SH3PXD2B: variants seen among roughly 807,000 people sequenced by gnomAD.
SH3PXD2B encodes SH3 and PX domains 2B.
A neutral mutation model predicts 73.1 loss-of-function variants in SH3PXD2B; 37 were observed. The ratio of observed to expected loss-of-function variants is 0.51; its 90% CI spans 0.39 to 0.67. The LOEUF (loss-of-function observed/expected upper bound fraction) is 0.67. Among genes scored for constraint, SH3PXD2B ranks in the 30% least tolerant of loss-of-function variants. SH3PXD2B has a pLI of 0.00. For missense variants in SH3PXD2B, 1,053 were observed against 1,197.8 expected, an observed-to-expected ratio of 0.88 and a Z score of 1.78; for synonymous variants, 457 against 480.5, an observed-to-expected ratio of 0.95 and a Z score of 0.64.
rs1561902702 is a variant in SH3PXD2B, at chr5:172,358,845, C to T, written c.595G>A (p.Gly199Ser). ...TCGAGGCACGTTGCAGGGACCCAGC[C>T]TTGCTCCTCGGCAGTGCTGACGAAC... ...WWFVSTAEEQ[G>S]WVPATCLEGQ... Residue 199 changes from glycine (G) to serine (S), a missense_variant, in exon 8 of 13, where the codon GGC (glycine) becomes AGC (serine). Gly to Ser is a moderately conservative substitution (Grantham distance 56). Coordinates refer to ENST00000311601, the MANE Select transcript of SH3PXD2B (RefSeq NM_001017995.3). 1 of 1,614,106 alleles carries T rather than the reference C, an allele frequency of 6.2e-7. No individual in the cohort carries two copies. Among genetic ancestry groups the T allele is most frequent in the Non-Finnish European group, 8.5e-7 (1 of 1,179,998 alleles).
downstream of SH3PXD2B, among the ~76,000 whole-genome samples, chr5:172,332,202 C>G (rs1310198933): frequency 2.6e-5 from 4 of 151,608 alleles, no homozygotes; most frequent in African/African-American, 4.8e-5. Flanking sequence ...TTTGCAAGAA[C>G]TTGGGTGAAC....
At chr5:172,381,734 CG>C (rs1757951743) in intron 5 of SH3PXD2B, among the ~76,000 whole-genome samples, 1 of 152,044 alleles carries the variant, frequency 6.6e-6, no homozygotes, top group Non-Finnish European at 1.5e-5. Flanking sequence ...GATGAATCTA[CG>C]GCTCAGCCCC....
intron 1 of SH3PXD2B, among the ~76,000 whole-genome samples, chr5:172,439,258 AAAAAACAAAAAC>A: frequency 1.2e-5 from 1 of 85,656 alleles, no homozygotes; most frequent in Non-Finnish European, 2.6e-5. Flanking sequence ...AAAGAAAAAA[AAAAAACAAAAAC>A]AAAAACAAAA....
chr5:172,339,367 G>T lies in SH3PXD2B; in HGVS notation c.1738C>A (p.Pro580Thr). 1 of 1,614,170 alleles carries T rather than the reference G, an allele frequency of 6.2e-7. No individual in the cohort carries two copies. Residue 580 changes from proline to threonine, a missense_variant, in exon 13 of 13, where the codon CCC (proline) becomes ACC (threonine). Pro to Thr is a conservative substitution (Grantham distance 38). Coordinates refer to ENST00000311601, the MANE Select transcript of SH3PXD2B (RefSeq NM_001017995.3). The surrounding 1 kb of genome is among the most constrained non-coding windows in gnomAD (Gnocchi z 6.1). ...AACAGTCTGCTTTTGTCAGGTTTGG[G>T]CTCTGGCCTCCTGCTGTCCCGGGCT... ...PPARDSRRPEPKPDKSRLFQL... is the reference protein window; with the variant it reads ...PPARDSRRPETKPDKSRLFQL...
intron 6 of SH3PXD2B, among the ~76,000 whole-genome samples, chr5:172,371,454 G>A (rs1261978461): frequency 4.6e-5 from 7 of 152,184 alleles, no homozygotes; most frequent in Admixed American, 4.6e-4. Context: ...GAGTTTTGGT[G>A]TAGAAATCTC....
At chr5:172,376,514 G>A (rs1307079369) in intron 5 of SH3PXD2B, among the ~76,000 whole-genome samples, 2 of 152,214 alleles carry the variant, frequency 1.3e-5, no homozygotes, top group African/African-American at 2.4e-5. Context: ...TAACCACCAT[G>A]TAATAATGCT....
chr5:172,348,646 C>CTTATCT lies in SH3PXD2B; in HGVS notation c.1013-1315_1013-1314insAGATAA, dbSNP rs1561896462. Among the ~76,000 whole-genome samples, 91 of 61,392 alleles carry CTTATCT rather than the reference C, an allele frequency of 1.5e-3. 1 individual carries two copies. The highest frequency in any genetic ancestry group is 2.5e-3 in the South Asian group (3 of 1,200). The allele number at this position is 61,392 out of a possible 152,430, so 40.3% of individuals were successfully genotyped here. A position where few individuals can be genotyped will look rare whatever the true frequency, so the allele number is the denominator to read the frequency against. On this transcript the variant is annotated intron_variant, in intron 10 of 12. Transcript: ENST00000311601. The stretch of plus-strand genomic sequence containing the variant: ...TCTATGTATCTATCTATGTATCTAT[C>CTTATCT]TATCTATCCTATCTATCTATCTATC...
Position 172,349,875 on chromosome 5 carries a change from G to A in SH3PXD2B, c.1012+488C>T, listed in dbSNP as rs949758842. On this transcript the variant is annotated intron_variant, in intron 10 of 12. Coordinates refer to ENST00000311601, the MANE Select transcript of SH3PXD2B (RefSeq NM_001017995.3). ...CTTTTTTTTTCTTTTTTTAAATGGA[G>A]TTTCACTCTTGTCGCCCAGGCTGGA... Among the ~76,000 whole-genome samples, 8 of 151,784 alleles carry A rather than the reference G, an allele frequency of 5.3e-5. No individual in the cohort carries two copies. The South Asian group carries it at 8.3e-4, about 16-fold the overall frequency.
chr5:172,443,418 C>T (rs567162726), intron 1 of SH3PXD2B, among the ~76,000 whole-genome samples: 1 of 152,336 alleles, frequency 6.6e-6, no homozygotes, highest in African/African-American at 2.4e-5. Context: ...ATGTAAAGAA[C>T]CCCACTGCTA....
At chr5:172,436,338 G>T (rs1381441162) in intron 1 of SH3PXD2B, among the ~76,000 whole-genome samples, 1 of 152,212 alleles carries the variant, frequency 6.6e-6, no homozygotes, top group East Asian at 1.9e-4. Context: ...ATGCTACAGG[G>T]TATAACCCAG....
At chr5:172,373,414 C>T (rs1050195885) in intron 6 of SH3PXD2B, among the ~76,000 whole-genome samples, 2 of 152,232 alleles carry the variant, frequency 1.3e-5, no homozygotes, top group Non-Finnish European at 1.5e-5. Context: ...AGGCATTTAA[C>T]TCCCGATAGC....
chr5:172,327,868 C>T (rs1214516733), intron 12 of SH3PXD2B, among the ~76,000 whole-genome samples: 2 of 151,644 alleles, frequency 1.3e-5, no homozygotes. Flanking sequence ...AATTCTGCTG[C>T]CTCAGCCGCC....
Position 172,373,580 on chromosome 5 carries a change from G to GCATC in SH3PXD2B, c.427+206_427+209dup, listed in dbSNP as rs10625047. Among the ~76,000 whole-genome samples the GCATC allele has an allele frequency of 0.47, 69,269 of 147,622 alleles. 16,558 individuals are homozygous for GCATC. Among genetic ancestry groups the GCATC allele is most frequent in the East Asian group, 0.72 (3,489 of 4,874 alleles). ...GATGGGGTATCAACCAATCAATCAA[G>GCATC]CATCCATCCATCCATCCATCCATCC... On this transcript the variant is annotated intron_variant, in intron 6 of 12. Transcript: ENST00000311601.
chr5:172,414,257 C>T (rs1292133875), intron 2 of SH3PXD2B, among the ~76,000 whole-genome samples: 6 of 151,868 alleles, frequency 4.0e-5, no homozygotes, highest in African/African-American at 1.2e-4. Flanking sequence ...TTGCTTGAGG[C>T]CAGGAGTTCA....
chr5:172,346,288 T>A (rs776052599), intron 11 of SH3PXD2B, 27 bp from the exon 12 acceptor site: 1 of 1,613,088 alleles, frequency 6.2e-7, no homozygotes, highest in South Asian at 1.1e-5. Context: ...CAGGGTTATC[T>A]CCAAGGCTAA....
At position 172,326,559 on chromosome 5, in the gene SH3PXD2B, G is replaced by A. The variant is rs540508897; in HGVS notation, c.1189-1179C>T. On this transcript the variant is annotated intron_variant, in intron 12 of 12. Coordinates refer to the SH3PXD2B transcript ENST00000519643. ...TTTCATGATCATGTTGAGGGAGGGT[G>A]TTCCATAAACATACTTTGGAAAGAT... is the stretch of plus-strand genomic sequence containing the variant. Among the ~76,000 whole-genome samples, 91 of 152,152 alleles carry A rather than the reference G, an allele frequency of 6.0e-4. 2 individuals carry two copies. The South Asian group carries it at 0.018, about 30-fold the overall frequency.
intron 12 of SH3PXD2B, chr5:172,325,508 G>C (rs1756431289): frequency 3.2e-6 from 2 of 621,568 alleles, no homozygotes; most frequent in Non-Finnish European, 5.6e-6. Flanking sequence ...ATAAAGAACA[G>C]GGATTTATTT....
Position 172,454,448 on chromosome 5 carries a change from A to T in SH3PXD2B, c.-96T>A. On this transcript the variant is annotated 5_prime_UTR_variant, in exon 1 of 13. Coordinates refer to ENST00000311601, the MANE Select transcript of SH3PXD2B (RefSeq NM_001017995.3). Reference sequence around the variant, plus strand: ...GCGCCGCCGCGGGCAGGGAACCTGGAGCTGAGCGCAATCGCAGCCGGGGCC... The same window carrying T: ...GCGCCGCCGCGGGCAGGGAACCTGGTGCTGAGCGCAATCGCAGCCGGGGCC... 1 of 701,208 alleles carries T rather than the reference A, an allele frequency of 1.4e-6. No individual in the cohort carries two copies. The highest frequency in any genetic ancestry group is 1.8e-6 in the Non-Finnish European group (1 of 541,952). 43.4% of individuals were successfully genotyped at this position (701,208 alleles called of 1,614,324 possible).
At chr5:172,344,818 G>A (rs1756953601) in intron 12 of SH3PXD2B, among the ~76,000 whole-genome samples, 1 of 152,150 alleles carries the variant, frequency 6.6e-6, no homozygotes, top group African/African-American at 2.4e-5. Context: ...AGGGGCCAGA[G>A]GATGCAGAAC....
Sources: gnomAD v4.1 joint callset for allele counts (sites outside exome capture counted in the v4.1 genomes callset) on GRCh38, gnomAD v4.1.1 for gene constraint, Gnocchi (gnomAD v3.1) non-coding constraint, MANE v1.5 for transcripts, NCBI Gene and HGNC (gene_info 2026-07-23, HGNC 2026-07-21) for gene names.